NDUFAF1: variants seen among roughly 807,000 people sequenced by gnomAD.
NDUFAF1 encodes the protein NADH:ubiquinone oxidoreductase complex assembly factor 1, also known as complex I intermediate-associated protein 30, mitochondrial.
A neutral mutation model predicts 28.7 loss-of-function variants in NDUFAF1; 18 were observed. The ratio of observed to expected loss-of-function variants is 0.63; its 90% CI spans 0.43 to 0.93. The LOEUF (loss-of-function observed/expected upper bound fraction) is 0.93. Among genes scored for constraint, NDUFAF1 ranks in the 40% least tolerant of loss-of-function variants. The pLI is 0.00. For missense variants in NDUFAF1, 404 were observed against 398.3 expected, an observed-to-expected ratio of 1.01 and a Z score of -0.12; for synonymous variants, 113 against 139.7, an observed-to-expected ratio of 0.81 and a Z score of 1.35.
intron 1 of NDUFAF1, among the ~76,000 whole-genome samples, chr15:41,397,592 A>T (rs1277288569): frequency 6.6e-6 from 1 of 151,786 alleles, no homozygotes; most frequent in Non-Finnish European, 1.5e-5. Flanking sequence ...GAGGTCAGGA[A>T]ATCGAGACCA....
In NDUFAF1 at chr15:41,394,884, CCG is replaced by C; in HGVS notation, c.732_733del (p.Gly246ThrfsTer17). 6.2e-7 allele frequency: 1 copy of C among 1,613,990 alleles called. No homozygotes were observed. The highest frequency in any genetic ancestry group is 8.5e-7 in the Non-Finnish European group (1 of 1,179,998). On this transcript the variant is annotated frameshift_variant, in exon 3 of 5. Coordinates refer to ENST00000260361, the MANE Select transcript of NDUFAF1 (RefSeq NM_016013.4). LOFTEE classifies it high-confidence loss of function. ...CTTGACCTCCTGCCAGTAGGGTCCCCCGCGGGTGAACATGAAGTAACTATACA... is the reference window on the plus strand; with the variant it reads ...CTTGACCTCCTGCCAGTAGGGTCCCCCGGGTGAACATGAAGTAACTATACA...
rs376009452 is a variant in NDUFAF1 at position 41,394,943 on chromosome 15, C to T, written c.675G>A (p.Glu225=). 6.2e-6 allele frequency: 10 copies of T among 1,613,996 alleles called. No individual in the cohort carries two copies. In the African/African-American group the frequency reaches 1.2e-4, roughly 19 times the overall value. ...DGRPWMVNIK[E]DTDFFQRTNQ... ...TCGTCCTCTGGAAGAAATCTGTGTC[C>T]TCCTTGATATTCACCATCCAAGGCC... is the stretch of plus-strand genomic sequence containing the variant. Residue 225 remains glutamate, a synonymous_variant, in exon 3 of 5, where the codon GAG becomes GAA. Coordinates refer to ENST00000260361, the MANE Select transcript of NDUFAF1 (RefSeq NM_016013.4).
intron 3 of NDUFAF1, among the ~76,000 whole-genome samples, chr15:41,390,971 G>A (rs1014574941): frequency 2.6e-5 from 4 of 152,188 alleles, no homozygotes; most frequent in African/African-American, 9.6e-5. Context: ...AGAGCTTGCA[G>A]TGAGCCGAGA....
intron 3 of NDUFAF1, among the ~76,000 whole-genome samples, chr15:41,394,538 C>G (rs750246129): frequency 6.6e-6 from 1 of 151,158 alleles, no homozygotes. Context: ...GTCTCTTAAC[C>G]TTTCTTCTAC....
chr15:41,395,239 G>A (rs937950680), intron 2 of NDUFAF1, among the ~76,000 whole-genome samples, 195 bp from the exon 3 acceptor site: 1 of 152,084 alleles, frequency 6.6e-6, no homozygotes, highest in African/African-American at 2.4e-5. Flanking sequence ...CTAAGGTAAT[G>A]TTCAACACAC....
At chr15:41,399,934 C>A (rs528283588) in intron 1 of NDUFAF1, among the ~76,000 whole-genome samples, 1 of 150,726 alleles carries the variant, frequency 6.6e-6, no homozygotes, top group East Asian at 2.0e-4. Context: ...GTGGCAAGCA[C>A]CTATAATCCC....
At chr15:41,397,756 G>A (rs534967115) in intron 1 of NDUFAF1, among the ~76,000 whole-genome samples, 94 of 147,214 alleles carry the variant, frequency 6.4e-4, no homozygotes, top group African/African-American at 2.2e-3. Context: ...CGGAGATCCC[G>A]CCACTACACT....
chr15:41,398,563 C>G (rs1474809498), intron 1 of NDUFAF1, among the ~76,000 whole-genome samples: 2 of 151,956 alleles, frequency 1.3e-5, no homozygotes, highest in Admixed American at 1.3e-4. Context: ...CTCATTGTAG[C>G]CTTGAACTCC....
chr15:41,400,426 C>CT (rs1456350557), intron 1 of NDUFAF1, among the ~76,000 whole-genome samples: 3 of 151,012 alleles, frequency 2.0e-5, no homozygotes, highest in African/African-American at 4.9e-5. Context: ...AGACGAGTCT[C>CT]TAACTCCTGG....
In NDUFAF1 at chr15:41,387,534, T is replaced by A; in HGVS notation, c.894A>T (p.Ile298=). The A allele has an allele frequency of 1.2e-6, 2 of 1,612,900 alleles. No individual in the cohort carries two copies. Among genetic ancestry groups the A allele is most frequent in the Non-Finnish European group, 1.7e-6 (2 of 1,178,914 alleles). ...DKVDGPFFLE[I]DFIGVFTDPA... ...GATCAGTAAACACGCCAATAAAATC[T>A]ATCTCCAGGAAGAATGGACCATCCA... The change falls in exon 5 of 5, where the codon ATA becomes ATT. Residue 298 remains isoleucine, a synonymous_variant. Transcript: ENST00000260361.
At chr15:41,392,085 T>C (rs910258333) in intron 3 of NDUFAF1, among the ~76,000 whole-genome samples, 1 of 149,128 alleles carries the variant, frequency 6.7e-6, no homozygotes, top group Non-Finnish European at 1.5e-5. Context: ...TTTTTTTTTT[T>C]TTCTTGAGAT....
chr15:41,398,046 A>G (rs1348207138), intron 1 of NDUFAF1, among the ~76,000 whole-genome samples: 1 of 145,012 alleles, frequency 6.9e-6, no homozygotes, highest in African/African-American at 2.5e-5. Context: ...AAAAAAAAAC[A>G]GAAAGAAAGA....
intron 3 of NDUFAF1, among the ~76,000 whole-genome samples, chr15:41,389,207 T>G (rs1181374823): frequency 6.6e-6 from 1 of 151,364 alleles, no homozygotes; most frequent in Admixed American, 6.6e-5. Flanking sequence ...CTCAGCTTCC[T>G]GAGTAGCTGG....
chr15:41,399,900 G>A (rs2050439958), intron 1 of NDUFAF1, among the ~76,000 whole-genome samples: 1 of 144,832 alleles, frequency 6.9e-6, no homozygotes, highest in Non-Finnish European at 1.5e-5. Flanking sequence ...TTAGCTGGGT[G>A]TGGTGACGGG....
At chr15:41,393,377 G>A (rs1481329110) in intron 3 of NDUFAF1, among the ~76,000 whole-genome samples, 12 of 141,576 alleles carry the variant, frequency 8.5e-5, no homozygotes, top group African/African-American at 3.2e-4. Context: ...TCTGCCTCCC[G>A]GGTTCACGCC....
In NDUFAF1 at chr15:41,394,850, T is replaced by C. The variant is rs1186010735; in HGVS notation, c.759+9A>G. On this transcript the variant is annotated intron_variant, in intron 3 of 4. Coordinates refer to ENST00000260361, the MANE Select transcript of NDUFAF1 (RefSeq NM_016013.4). ...CATTTTTATAAACAATGAAGATTTA[T>C]GCTGTTACCTTGACCTCCTGCCAGT... The C allele has an allele frequency of 1.2e-6, 2 of 1,613,750 alleles. No homozygotes were observed. Among genetic ancestry groups the C allele is most frequent in the Non-Finnish European group, 1.7e-6 (2 of 1,179,772 alleles).
chr15:41,401,182 G>C (rs1300979595), intron 1 of NDUFAF1, among the ~76,000 whole-genome samples: 1 of 151,126 alleles, frequency 6.6e-6, no homozygotes, highest in African/African-American at 2.4e-5. Context: ...TGGCCAGAGT[G>C]GTCTCGAACT....
Position 41,402,267 on chromosome 15 carries a change from C to A in NDUFAF1, c.-205G>T, listed in dbSNP as rs190265352. 4.4e-6 allele frequency: 2 copies of A among 454,004 alleles called. No individual in the cohort carries two copies. 28.1% of individuals were successfully genotyped at this position (454,004 alleles called of 1,614,324 possible). A position where few individuals can be genotyped will look rare whatever the true frequency, so the allele number is the denominator to read the frequency against. On this transcript the variant is annotated 5_prime_UTR_variant, in exon 1 of 5. Transcript: ENST00000260361. ...GTTCCAAGGCTAATTTACCCGAGGT[C>A]ACACAGGTAGTGAGTGGCAAAATTC...
intron 3 of NDUFAF1, chr15:41,394,467 A>G (rs2050356844): frequency 2.3e-6 from 2 of 855,730 alleles, no homozygotes; most frequent in Middle Eastern, 2.6e-4. Context: ...CCACATCCAT[A>G]TCAAAAATAT....
Sources: allele counts gnomAD v4.1 joint callset (sites outside exome capture counted in the v4.1 genomes callset), GRCh38; gene constraint gnomAD v4.1.1; transcripts MANE v1.5; gene names NCBI Gene and HGNC (gene_info 2026-07-23, HGNC 2026-07-21).